Variants in SRGAP3 observed in about 807,000 individuals in gnomAD.
The protein encoded by SRGAP3 is SLIT-ROBO Rho GTPase activating protein 3.
Under a neutral mutation model 121.1 loss-of-function variants are expected in SRGAP3, and 39 were observed. That is an observed-to-expected ratio of 0.32 (90% CI 0.25 to 0.42). The LOEUF is 0.42. Ranked by LOEUF, SRGAP3 falls within the 10% of genes least tolerant of loss-of-function variation. SRGAP3 has a pLI of 1.00. For synonymous variants in SRGAP3, 601 were observed against 570.0 expected, an observed-to-expected ratio of 1.05 and a Z score of -0.77; for missense variants, 1,213 against 1,470.6, an observed-to-expected ratio of 0.82 and a Z score of 2.86.
chr3:9,136,701 G>A (rs1283393308), intron 1 of SRGAP3, among the ~76,000 whole-genome samples: 2 of 152,226 alleles, frequency 1.3e-5, no homozygotes, highest in African/African-American at 4.8e-5. Flanking sequence ...AGGCCCAAGA[G>A]AAGGGAAAGG....
intron 1 of SRGAP3, among the ~76,000 whole-genome samples, chr3:9,169,747 C>T (rs1950911102): frequency 6.6e-6 from 1 of 152,192 alleles, no homozygotes; most frequent in Non-Finnish European, 1.5e-5. Context: ...ACTCCAGGAC[C>T]TGGAATGTTA....
At chr3:9,155,594 C>T (rs113448660) in intron 1 of SRGAP3, among the ~76,000 whole-genome samples, 72 of 152,172 alleles carry the variant, frequency 4.7e-4, no homozygotes, top group Middle Eastern at 3.4e-3. Context: ...TTCATTGCCC[C>T]GGGTTGGGTC....
At chr3:9,318,041 T>C (rs1955376945) in intron 3 of SRGAP3, among the ~76,000 whole-genome samples, 1 of 152,112 alleles carries the variant, frequency 6.6e-6, no homozygotes, top group South Asian at 2.1e-4. Context: ...CCGACTAGAG[T>C]GGCAAATATA....
chr3:9,165,169 C>G (rs6767728), intron 1 of SRGAP3, among the ~76,000 whole-genome samples: 9,020 of 152,320 alleles, frequency 0.059, 332 homozygotes, highest in African/African-American at 0.096. Flanking sequence ...GGGGGCCCCC[C>G]AGTGGAGGCC....
At chr3:9,265,251 G>A (rs1241459984) in intron 3 of SRGAP3, among the ~76,000 whole-genome samples, 3 of 152,110 alleles carry the variant, frequency 2.0e-5, no homozygotes, top group East Asian at 3.8e-4. Flanking sequence ...TTAAATGTAA[G>A]ACATAAAACC....
chr3:9,101,387 G>T (rs943595094), intron 3 of SRGAP3, among the ~76,000 whole-genome samples: 1 of 152,228 alleles, frequency 6.6e-6, no homozygotes, highest in African/African-American at 2.4e-5. Flanking sequence ...TATGTGTCCC[G>T]GCCTGGCGAG....
chr3:9,173,638 C>T (rs910824366), intron 1 of SRGAP3, among the ~76,000 whole-genome samples: 19 of 152,034 alleles, frequency 1.2e-4, no homozygotes, highest in African/African-American at 3.4e-4. Flanking sequence ...GCAACTCTGT[C>T]GCAATCCAGT....
chr3:9,294,418 T>C (rs1954916858), intron 3 of SRGAP3, among the ~76,000 whole-genome samples: 1 of 151,990 alleles, frequency 6.6e-6, no homozygotes, highest in African/African-American at 2.4e-5. Flanking sequence ...AAATAACTAA[T>C]AGGTACTAGG....
intron 3 of SRGAP3, among the ~76,000 whole-genome samples, chr3:9,267,603 T>C (rs1194845420): frequency 2.0e-5 from 3 of 152,184 alleles, no homozygotes; most frequent in Admixed American, 6.5e-5. Context: ...GTTTTTATCA[T>C]GAAGGGACAA....
intron 3 of SRGAP3, among the ~76,000 whole-genome samples, chr3:9,102,624 AGCCAGGCTCCGTCC>A (rs1054418368): frequency 2.0e-5 from 3 of 152,264 alleles, no homozygotes; most frequent in African/African-American, 7.2e-5. Context: ...AAAGTCAGCC[AGCCAGGCTCCGTCC>A]GCGCCTCTCT....
chr3:9,207,785 G>A (rs1952314643), intron 1 of SRGAP3, among the ~76,000 whole-genome samples: 1 of 152,212 alleles, frequency 6.6e-6, no homozygotes, highest in South Asian at 2.1e-4. Flanking sequence ...AATTCTCCAA[G>A]AGGGCAGGCG....
upstream of SRGAP3, among the ~76,000 whole-genome samples, chr3:9,254,126 A>G (rs1954074325): frequency 6.6e-6 from 1 of 152,172 alleles, no homozygotes; most frequent in Non-Finnish European, 1.5e-5. Context: ...TCTAATATCA[A>G]TTCAAACAAA....
At chr3:9,153,136 C>T (rs1156625430) in intron 1 of SRGAP3, among the ~76,000 whole-genome samples, 2 of 152,186 alleles carry the variant, frequency 1.3e-5, no homozygotes. Flanking sequence ...CTTGTTACCT[C>T]ACCCAGTATG....
chr3:8,997,793 G>A (rs976633775), intron 18 of SRGAP3, among the ~76,000 whole-genome samples: 12 of 151,796 alleles, frequency 7.9e-5, no homozygotes, highest in South Asian at 2.1e-4. Context: ...CCTTCTATCC[G>A]TCTTATTTTT....
chr3:9,010,422 G>A, intron 17 of SRGAP3, 35 bp from the exon 18 acceptor site: 1 of 1,613,036 alleles, frequency 6.2e-7, no homozygotes, highest in Non-Finnish European at 8.5e-7. Context: ...CTCACTGCGG[G>A]GGGTTATCTA....
intron 14 of SRGAP3, among the ~76,000 whole-genome samples, chr3:9,020,717 G>A (rs1943874270): frequency 6.6e-6 from 1 of 152,206 alleles, no homozygotes; most frequent in Admixed American, 6.5e-5. Flanking sequence ...TTGGCTCTCT[G>A]CAAGCTAGTC....
intron 14 of SRGAP3, among the ~76,000 whole-genome samples, chr3:9,024,217 G>C (rs989377084): frequency 1.3e-5 from 2 of 152,190 alleles, no homozygotes; most frequent in South Asian, 4.1e-4. Context: ...CAGAGAAGAA[G>C]GCAGTAAATC....
rs1444122315 is a variant in SRGAP3, at chr3:9,017,143, G to A, written c.1679-1412C>T. ...GGAAACAAATATGGTGTCTCATATCGAGACACCAAGATCTAGGTATTAGGT... is the reference window on the plus strand; with the variant it reads ...GGAAACAAATATGGTGTCTCATATCAAGACACCAAGATCTAGGTATTAGGT... On this transcript the variant is annotated intron_variant, in intron 14 of 21. Coordinates refer to ENST00000383836, the MANE Select transcript of SRGAP3 (RefSeq NM_014850.4). Among the ~76,000 whole-genome samples, 5 of 152,066 alleles carry A rather than the reference G, an allele frequency of 3.3e-5. No individual in the cohort carries two copies. The East Asian group carries it at 9.7e-4, about 29-fold the overall frequency.
intron 4 of SRGAP3, among the ~76,000 whole-genome samples, chr3:9,071,536 G>C (rs1467527118): frequency 3.3e-5 from 5 of 152,110 alleles, no homozygotes; most frequent in Non-Finnish European, 5.9e-5. Context: ...AGAATTTGCA[G>C]TGCTAGGGAC....
Sources: allele counts gnomAD v4.1 joint callset (sites outside exome capture counted in the v4.1 genomes callset), GRCh38; gene constraint gnomAD v4.1.1; transcripts MANE v1.5; gene names NCBI Gene and HGNC (gene_info 2026-07-23, HGNC 2026-07-21).